The following CBY1 variants were observed in gnomAD, a reference collection of about 807,000 sequenced individuals.
CBY1 encodes the protein chibby 1, beta catenin antagonist, also known as protein chibby homolog 1.
Under a neutral mutation model 15.6 loss-of-function variants are expected in CBY1, and 10 were observed. The observed-to-expected ratio is 0.64, with a 90% CI of 0.40 to 1.09. The LOEUF (loss-of-function observed/expected upper bound fraction) is 1.09, where lower values mean the gene tolerates loss of function less well. CBY1 is among the 50% of genes least tolerant of loss of function. CBY1 has a pLI of 0.01. For synonymous variants in CBY1, 61 were observed against 63.5 expected (o/e 0.96, Z 0.19); for missense variants, 150 against 160.5 (o/e 0.93, Z 0.35).
rs184536590 is a variant in CBY1 at position 38,663,748 on chromosome 22, G to A, written c.-38-4269G>A. ...AAAAGAAAGCAAAAAGAGGTCGGGC[G>A]CAGTGGCTCATGACTGTAATTCCAG... On this transcript the variant is annotated intron_variant, in intron 1 of 4. Coordinates refer to ENST00000216029, the MANE Select transcript of CBY1 (RefSeq NM_015373.4). Among the ~76,000 whole-genome samples, 10 of 150,494 alleles carry A rather than the reference G, an allele frequency of 6.6e-5. 1 individual carries two copies. Among genetic ancestry groups the A allele is most frequent in the East Asian group, 5.9e-4 (3 of 5,124 alleles).
chr22:38,663,506 A>G (rs1160782803), intron 1 of CBY1, among the ~76,000 whole-genome samples: 1 of 144,914 alleles, frequency 6.9e-6, no homozygotes, highest in Admixed American at 6.8e-5. Flanking sequence ...GACCAGCCTG[A>G]CCAACATAGA....
intron 1 of CBY1, chr22:38,666,672 A>G (rs2092437143): frequency 6.6e-6 from 1 of 151,762 alleles, no homozygotes; most frequent in East Asian, 1.9e-4. Context: ...GAAAGGAAAT[A>G]TAAGCATAGC....
rs546242231 is a variant in CBY1, at chr22:38,659,162, C to T, written c.-39+2412C>T. Among the ~76,000 whole-genome samples the T allele has an allele frequency of 1.2e-3, 188 of 152,012 alleles. 2 individuals are homozygous for T. Among genetic ancestry groups the T allele is most frequent in the African/African-American group, 4.3e-3 (180 of 41,482 alleles). On this transcript the variant is annotated intron_variant, in intron 1 of 4. Transcript: ENST00000216029. ...TGTTGGCCAGGCTGGTCTCGAACTCCTGGCGTCAAGTGATCTGCCTGCCTT... is the reference window on the plus strand; with the variant it reads ...TGTTGGCCAGGCTGGTCTCGAACTCTTGGCGTCAAGTGATCTGCCTGCCTT...
intron 1 of CBY1, 151 bp downstream of exon 1, chr22:38,656,901 CCCT>C (rs1355325631): frequency 1.3e-5 from 2 of 152,750 alleles, no homozygotes; most frequent in African/African-American, 2.4e-5. Context: ...GCGGTGGCCG[CCCT>C]CCTCTGTGTG....
intron 1 of CBY1, among the ~76,000 whole-genome samples, chr22:38,667,411 C>T (rs1046930392): frequency 6.6e-6 from 1 of 152,098 alleles, no homozygotes; most frequent in Admixed American, 6.6e-5. Flanking sequence ...TGGGCTCCAG[C>T]GACCCCCCAG....
intron 1 of CBY1, 89 bp from the exon 2 acceptor site, chr22:38,667,928 A>T: frequency 1.5e-6 from 1 of 675,756 alleles, no homozygotes; most frequent in Non-Finnish European, 2.6e-6. Context: ...TAGTAGCCAC[A>T]TGATAAAATG....
chr22:38,673,088 G>A (rs1432946483), intron 4 of CBY1, 71 bp from the exon 5 acceptor site: 1 of 1,055,814 alleles, frequency 9.5e-7, no homozygotes, highest in African/African-American at 1.6e-5. Flanking sequence ...CCGTGTGTAG[G>A]GCCGGCCTTG....
intron 1 of CBY1, among the ~76,000 whole-genome samples, chr22:38,663,216 G>A (rs2092426627): frequency 6.6e-6 from 1 of 152,052 alleles, no homozygotes; most frequent in African/African-American, 2.4e-5. Flanking sequence ...CAGCACTTTG[G>A]GAGGCCGAGG....
chr22:38,663,876 G>T (rs1603115810), intron 1 of CBY1, among the ~76,000 whole-genome samples: 1 of 151,630 alleles, frequency 6.6e-6, no homozygotes, highest in East Asian at 1.9e-4. Context: ...ACAAAAATTA[G>T]CTGGGTTTAG....
intron 1 of CBY1, chr22:38,667,660 C>G (rs2092440818): frequency 1.1e-5 from 2 of 187,376 alleles, no homozygotes; most frequent in Admixed American, 1.2e-4. Flanking sequence ...GTGCAAGTAT[C>G]TGGTGAGGGT....
chr22:38,658,129 A>G (rs1416541723), intron 1 of CBY1, among the ~76,000 whole-genome samples: 1 of 146,504 alleles, frequency 6.8e-6, no homozygotes, highest in Non-Finnish European at 1.5e-5. Flanking sequence ...TTTCTTTTCT[A>G]TTTTTTTTTT....
chr22:38,664,189 G>A (rs985437290), intron 1 of CBY1, among the ~76,000 whole-genome samples: 1 of 151,326 alleles, frequency 6.6e-6, no homozygotes, highest in Non-Finnish European at 1.5e-5. Flanking sequence ...TGGCAAAAGA[G>A]GGCTGGGCGC....
chr22:38,659,268 G>GT (rs1020650502), intron 1 of CBY1, among the ~76,000 whole-genome samples: 27 of 148,414 alleles, frequency 1.8e-4, no homozygotes, highest in Admixed American at 4.0e-4. Flanking sequence ...TTTGTTTTTT[G>GT]TTTTTTTTTG....
At chr22:38,659,389 C>T (rs749231290) in intron 1 of CBY1, among the ~76,000 whole-genome samples, 3 of 151,928 alleles carry the variant, frequency 2.0e-5, no homozygotes, top group Admixed American at 6.6e-5. Context: ...GCTGGGATTA[C>T]AGGCGTGTGC....
chr22:38,665,490 C>G (rs1026612947), intron 1 of CBY1: 1 of 388,982 alleles, frequency 2.6e-6, no homozygotes, highest in African/African-American at 2.1e-5. Context: ...AAACTGCAAA[C>G]AGCTCAAATG....
chr22:38,671,470 C>A, intron 4 of CBY1: 1 of 400,932 alleles, frequency 2.5e-6, no homozygotes, highest in Non-Finnish European at 4.6e-6. Flanking sequence ...GGAGAGCTTC[C>A]CAGAGGAAGG....
intron 4 of CBY1, 32 bp downstream of exon 4, chr22:38,671,220 C>T (rs759327942): frequency 1.5e-5 from 23 of 1,499,136 alleles, no homozygotes; most frequent in East Asian, 2.3e-5. Context: ...AGAGGCCTAG[C>T]TTCTCCTTTT....
chr22:38,659,863 A>G (rs2092417149), intron 1 of CBY1, among the ~76,000 whole-genome samples: 3 of 146,390 alleles, frequency 2.0e-5, no homozygotes, highest in South Asian at 4.2e-4. Context: ...CTCTGTCTCA[A>G]AAAAAAAAAA....
At chr22:38,670,756 A>C in intron 2 of CBY1, 128 bp from the exon 3 acceptor site, 1 of 671,088 alleles carries the variant, frequency 1.5e-6, no homozygotes, top group African/African-American at 1.8e-5. Context: ...GCTTTAAAAA[A>C]ATCATTAAAG....
Sources: gnomAD v4.1 joint callset for allele counts (sites outside exome capture counted in the v4.1 genomes callset) on GRCh38, gnomAD v4.1.1 for gene constraint, MANE v1.5 for transcripts, NCBI Gene and HGNC (gene_info 2026-07-23, HGNC 2026-07-21) for gene names.